Variants in SLC35E4 observed in about 807,000 individuals in gnomAD.
The protein encoded by SLC35E4 is solute carrier family 35, member E4.
Under a neutral mutation model 19.3 loss-of-function variants are expected in SLC35E4, and 15 were observed. The observed-to-expected ratio is 0.78, with a 90% CI of 0.52 to 1.20. The LOEUF is 1.20. SLC35E4 is among the 50% of genes most tolerant of loss of function. The probability of loss-of-function intolerance (pLI) is 0.00; values close to 1 mark genes in which losing one functional copy is unlikely to be tolerated. For synonymous variants in SLC35E4, 219 were observed against 219.9 expected, an observed-to-expected ratio of 1.00 and a Z score of 0.04; for missense variants, 406 against 472.3, an observed-to-expected ratio of 0.86 and a Z score of 1.30.
chr22:30,636,912 G>T lies in SLC35E4; in HGVS notation c.462G>T (p.Leu154=), dbSNP rs754200751. 1 of 1,611,732 alleles carries T rather than the reference G, an allele frequency of 6.2e-7. No homozygotes were observed. The highest frequency in any genetic ancestry group is 8.5e-7 in the Non-Finnish European group (1 of 1,179,352). ...PLFTLALSAL[L]LGRRHHPLQL... Reference sequence around the variant, plus strand: ...TCACCCTGGCCCTGTCGGCGCTGCTGCTGGGCCGCCGCCACCACCCACTTC... The same window carrying T: ...TCACCCTGGCCCTGTCGGCGCTGCTTCTGGGCCGCCGCCACCACCCACTTC... Residue 154 remains leucine (L), a synonymous_variant, in exon 1 of 2, where the codon CTG becomes CTT. Transcript: ENST00000343605.
downstream of SLC35E4, among the ~76,000 whole-genome samples, chr22:30,666,443 AAACC>A (rs1279591774): frequency 2.2e-4 from 33 of 152,052 alleles, no homozygotes; most frequent in Non-Finnish European, 4.0e-4. Context: ...CAACATGGTG[AAACC>A]CCCGTCTCTA....
At chr22:30,663,634 C>A, downstream of SLC35E4, 2 of 1,614,212 alleles carry the variant, frequency 1.2e-6, no homozygotes, top group East Asian at 2.2e-5. Context: ...AGGGACATGG[C>A]GTGGTACTTC....
In SLC35E4 at chr22:30,636,421, C is replaced by T. The variant is rs1000545903; in HGVS notation, c.-30C>T. ...GGCCCAGAGGTCGTCACTGGGGAGCCCGCCTCCTGCCCTAGCCTCACTGGT... is the reference window on the plus strand; with the variant it reads ...GGCCCAGAGGTCGTCACTGGGGAGCTCGCCTCCTGCCCTAGCCTCACTGGT... On this transcript the variant is annotated 5_prime_UTR_variant, in exon 1 of 2. Coordinates refer to ENST00000343605, the MANE Select transcript of SLC35E4 (RefSeq NM_001001479.4). 5.5e-6 allele frequency: 8 copies of T among 1,450,040 alleles called. No individual in the cohort carries two copies. Among genetic ancestry groups the T allele is most frequent in the Middle Eastern group, 2.5e-4 (1 of 3,960 alleles). 89.8% of individuals were successfully genotyped at this position (1,450,040 alleles called of 1,614,324 possible). A position where few individuals can be genotyped will look rare whatever the true frequency, so the allele number is the denominator to read the frequency against.
intron 2 of SLC35E4, among the ~76,000 whole-genome samples, chr22:30,655,507 CT>C (rs113225590): frequency 4.9e-4 from 72 of 145,770 alleles, no homozygotes; most frequent in South Asian, 6.5e-4. Context: ...ACAAAATATC[CT>C]TTTTTTTTTT....
At chr22:30,666,723 G>A (rs1360494281), downstream of SLC35E4, 1 of 151,550 alleles carries the variant, frequency 6.6e-6, no homozygotes, top group African/African-American at 2.4e-5. Context: ...TTTTCTCAGG[G>A]AGCTCAAAGA....
downstream of SLC35E4, among the ~76,000 whole-genome samples, chr22:30,648,053 A>G (rs1386598235): frequency 6.6e-6 from 1 of 151,646 alleles, no homozygotes; most frequent in Non-Finnish European, 1.5e-5. Flanking sequence ...CTGGGCTACC[A>G]TTGCCCATCT....
At chr22:30,668,261 C>G (rs1178046186), downstream of SLC35E4, 2 of 152,458 alleles carry the variant, frequency 1.3e-5, no homozygotes, top group African/African-American at 4.8e-5. Flanking sequence ...AGCCGCACAT[C>G]TCCTTCCCGC....
chr22:30,654,240 T>TC (rs2088288716), intron 2 of SLC35E4: 1 of 373,886 alleles, frequency 2.7e-6, no homozygotes, highest in African/African-American at 2.1e-5. Flanking sequence ...CGCCTCCGCC[T>TC]CCCAAAGTGC....
downstream of SLC35E4, among the ~76,000 whole-genome samples, chr22:30,652,537 C>T (rs529347359): frequency 3.9e-4 from 59 of 152,302 alleles, no homozygotes; most frequent in Non-Finnish European, 7.2e-4. Context: ...AGCCTATGCC[C>T]AGGAATGAAT....
Position 30,646,682 on chromosome 22 carries a change from C to CA in SLC35E4, c.705dup (p.Ala236SerfsTer34). ...CCCAGCTTCTGCCTGCTGGCGGGTG[C>CA]AGCCCTGGTGCTGGAGGCTGGCGTT... On this transcript the variant is annotated frameshift_variant, in exon 2 of 2. Transcript: ENST00000343605. LOFTEE classifies it high-confidence loss of function. 6.2e-7 allele frequency: 1 copy of CA among 1,611,742 alleles called. No individual in the cohort carries two copies.
chr22:30,645,361 G>A (rs976731470), intron 1 of SLC35E4, among the ~76,000 whole-genome samples: 36 of 152,256 alleles, frequency 2.4e-4, no homozygotes, highest in African/African-American at 7.9e-4. Flanking sequence ...TTGGGAGGCC[G>A]AGGTGGGAGG....
intron 2 of SLC35E4, among the ~76,000 whole-genome samples, chr22:30,659,460 G>T (rs529383788): frequency 4.6e-5 from 7 of 151,826 alleles, no homozygotes; most frequent in Middle Eastern, 3.2e-3. Context: ...TGCAACCTCC[G>T]CCTCCTGGGT....
intron 1 of SLC35E4, among the ~76,000 whole-genome samples, chr22:30,640,729 C>A (rs1171999204): frequency 1.3e-5 from 2 of 152,196 alleles, no homozygotes; most frequent in Non-Finnish European, 2.9e-5. Context: ...CAACCTTGGG[C>A]ATATTGGGAT....
Position 30,635,785 on chromosome 22 carries a change from G to A in SLC35E4, c.-666G>A, listed in dbSNP as rs546762808. On this transcript the variant is annotated 5_prime_UTR_variant, in exon 1 of 2. Coordinates refer to ENST00000343605, the MANE Select transcript of SLC35E4 (RefSeq NM_001001479.4). Reference sequence around the variant, plus strand: ...GGGCCTGAGCTGGAGCCGGGCGTGAGTCGCAGCAGGAGCCGCAGCCGGAGT... The same window carrying A: ...GGGCCTGAGCTGGAGCCGGGCGTGAATCGCAGCAGGAGCCGCAGCCGGAGT... 4.3e-4 allele frequency: 67 copies of A among 155,862 alleles called. No homozygotes were observed. In the South Asian group the frequency reaches 0.012, roughly 27 times the overall value. 9.7% of individuals were successfully genotyped at this position (155,862 alleles called of 1,614,324 possible). A position where few individuals can be genotyped will look rare whatever the true frequency, so the allele number is the denominator to read the frequency against.
downstream of SLC35E4, among the ~76,000 whole-genome samples, chr22:30,650,785 A>C (rs776023417): frequency 6.6e-6 from 1 of 151,992 alleles, no homozygotes; most frequent in Non-Finnish European, 1.5e-5. Context: ...CACATTTGAG[A>C]GTCCCCCAGG....
chr22:30,663,785 G>A, downstream of SLC35E4: 1 of 1,614,218 alleles, frequency 6.2e-7, no homozygotes, highest in Non-Finnish European at 8.5e-7. Context: ...AGTTAGGGGA[G>A]TCAGCCACAG....
intron 2 of SLC35E4, chr22:30,653,780 C>T (rs898285429): frequency 2.6e-5 from 4 of 152,136 alleles, no homozygotes; most frequent in African/African-American, 9.7e-5. Flanking sequence ...CCTTGTTAGG[C>T]TGGAGCCCAA....
downstream of SLC35E4, chr22:30,667,178 T>C (rs755448937): frequency 1.3e-5 from 2 of 152,220 alleles, no homozygotes; most frequent in Non-Finnish European, 2.9e-5. Flanking sequence ...GAGTTAATAT[T>C]TCCATTTTAC....
At chr22:30,649,543 C>T (rs1379456130), downstream of SLC35E4, among the ~76,000 whole-genome samples, 1 of 129,100 alleles carries the variant, frequency 7.7e-6, no homozygotes, top group Non-Finnish European at 1.7e-5. Flanking sequence ...TTTCCTGGTT[C>T]CAGCCTCCGC....
Sources: allele counts gnomAD v4.1 joint callset (sites outside exome capture counted in the v4.1 genomes callset), GRCh38; gene constraint gnomAD v4.1.1; transcripts MANE v1.5; gene names NCBI Gene and HGNC (gene_info 2026-07-23, HGNC 2026-07-21).